The following HPD variants were observed in gnomAD, a reference collection of about 807,000 sequenced individuals.
HPD encodes the protein 4-hydroxyphenylpyruvate dioxygenase.
Under a neutral mutation model 56.9 loss-of-function variants are expected in HPD, and 35 were observed. The observed-to-expected ratio is 0.62, with a 90% CI of 0.47 to 0.82. The LOEUF (loss-of-function observed/expected upper bound fraction) is 0.82, where lower values mean the gene tolerates loss of function less well. HPD is among the 40% of genes least tolerant of loss of function. The pLI is 0.00. For missense variants in HPD, 442 were observed against 506.8 expected (o/e 0.87, Z 1.23); for synonymous variants, 186 against 200.2 (o/e 0.93, Z 0.60).
chr12:121,880,158 A>G, the HPD span, among the ~76,000 whole-genome samples: 1 of 149,366 alleles, frequency 6.7e-6, no homozygotes, highest in Admixed American at 6.6e-5. Context: ...AAATGAAAAA[A>G]AGAAAAAAAA....
chr12:121,873,035 A>G, the HPD span, among the ~76,000 whole-genome samples: 1 of 152,154 alleles, frequency 6.6e-6, no homozygotes, highest in Admixed American at 6.6e-5. Flanking sequence ...ATCTGTGAGC[A>G]TGTATTCACT....
At chr12:121,843,038 A>T (rs1352618714) in intron 12 of HPD, among the ~76,000 whole-genome samples, 4 of 152,104 alleles carry the variant, frequency 2.6e-5, no homozygotes, top group South Asian at 4.1e-4. Context: ...GAACCACCAC[A>T]CCCAGTCCTA....
At chr12:121,868,055 G>A (rs1366885408), upstream of HPD, among the ~76,000 whole-genome samples, 1 of 152,122 alleles carries the variant, frequency 6.6e-6, no homozygotes. Context: ...CAGGCACAGT[G>A]GCTCATGCTT....
At chr12:121,878,238 A>G in the HPD span, among the ~76,000 whole-genome samples, 1 of 152,228 alleles carries the variant, frequency 6.6e-6, no homozygotes, top group East Asian at 1.9e-4. Flanking sequence ...GATATTGGGA[A>G]ATAGCATTTT....
At chr12:121,867,690 T>G (rs553132927), upstream of HPD, among the ~76,000 whole-genome samples, 31 of 152,184 alleles carry the variant, frequency 2.0e-4, no homozygotes, top group South Asian at 6.4e-3. Flanking sequence ...ATTTTTGTAT[T>G]TTTAATAGAG....
upstream of HPD, among the ~76,000 whole-genome samples, chr12:121,865,569 A>C (rs1878304639): frequency 6.7e-6 from 1 of 149,422 alleles, no homozygotes; most frequent in Admixed American, 6.7e-5. Flanking sequence ...GTGCCCAGCC[A>C]CGACACTCTC....
At chr12:121,856,913 T>C in intron 4 of HPD, 1 of 532,022 alleles carries the variant, frequency 1.9e-6, no homozygotes, top group Non-Finnish European at 3.4e-6. Context: ...TCCTCTCCTC[T>C]GATATCCCAG....
At chr12:121,844,485 C>T (rs922552504) in intron 11 of HPD, among the ~76,000 whole-genome samples, 2 of 151,996 alleles carry the variant, frequency 1.3e-5, no homozygotes, top group African/African-American at 4.8e-5. Flanking sequence ...TGGTGGCTCA[C>T]GCCTGTAAGC....
At chr12:121,877,094 CAAAA>C in the HPD span, among the ~76,000 whole-genome samples, 25 of 117,708 alleles carry the variant, frequency 2.1e-4, no homozygotes, top group East Asian at 5.5e-4. Flanking sequence ...ACTCCATCTC[CAAAA>C]AAAAAAAAAA....
chr12:121,880,343 C>A, the HPD span, among the ~76,000 whole-genome samples: 117 of 151,952 alleles, frequency 7.7e-4, no homozygotes, highest in Non-Finnish European at 1.4e-3. Context: ...TTACATGCGC[C>A]CACCATCACA....
the HPD span, among the ~76,000 whole-genome samples, chr12:121,875,185 C>T: frequency 6.6e-6 from 1 of 152,200 alleles, no homozygotes; most frequent in African/African-American, 2.4e-5. Context: ...CAAACAGCCA[C>T]AGACAATAGG....
chr12:121,843,113 TA>T (rs1481998353), intron 12 of HPD, among the ~76,000 whole-genome samples: 1 of 152,104 alleles, frequency 6.6e-6, no homozygotes, highest in African/African-American at 2.4e-5. Flanking sequence ...TTGTACACCT[TA>T]AAAAAATGAC....
intron 11 of HPD, among the ~76,000 whole-genome samples, chr12:121,844,837 C>T (rs904085704): frequency 5.9e-5 from 9 of 151,558 alleles, no homozygotes; most frequent in East Asian, 1.9e-4. Context: ...GCCGAGATCG[C>T]GTCACTGCAA....
the HPD span, among the ~76,000 whole-genome samples, chr12:121,877,037 T>G: frequency 1.4e-5 from 2 of 145,838 alleles, no homozygotes; most frequent in Non-Finnish European, 3.0e-5. Context: ...GAGGTTGCAG[T>G]GAGCCAAGAT....
intron 11 of HPD, among the ~76,000 whole-genome samples, chr12:121,844,711 A>G (rs1328078631): frequency 6.6e-6 from 1 of 151,610 alleles, no homozygotes. Context: ...TGAAACCCCT[A>G]CTAAAAATAC....
chr12:121,886,900 T>C, the HPD span, among the ~76,000 whole-genome samples: 1 of 152,130 alleles, frequency 6.6e-6, no homozygotes, highest in Non-Finnish European at 1.5e-5. Flanking sequence ...TTTAACTTTA[T>C]TATTTATTTA....
intron 8 of HPD, 86 bp downstream of exon 8, chr12:121,849,601 C>T (rs967491231): frequency 3.3e-6 from 3 of 916,832 alleles, no homozygotes; most frequent in South Asian, 1.3e-5. Context: ...CCCCAACACA[C>T]ATGCGCAGTG....
chr12:121,862,441 G>T (rs1036056988), upstream of HPD, among the ~76,000 whole-genome samples: 1 of 151,660 alleles, frequency 6.6e-6, no homozygotes, highest in Non-Finnish European at 1.5e-5. Flanking sequence ...GGGATTACAG[G>T]CATGTGCCAC....
upstream of HPD, among the ~76,000 whole-genome samples, chr12:121,863,249 G>T (rs1878231935): frequency 6.6e-6 from 1 of 152,228 alleles, no homozygotes; most frequent in Non-Finnish European, 1.5e-5. Flanking sequence ...CTCCCAAAGT[G>T]CTGGGATTAC....
Sources: gnomAD v4.1 joint callset for allele counts (sites outside exome capture counted in the v4.1 genomes callset) on GRCh38, gnomAD v4.1.1 for gene constraint, MANE v1.5 for transcripts, NCBI Gene and HGNC (gene_info 2026-07-23, HGNC 2026-07-21) for gene names.